DNAH10: variants seen among roughly 807,000 people sequenced by gnomAD.
DNAH10 encodes the protein dynein axonemal heavy chain 10.
In DNAH10, 348 loss-of-function variants were observed where a neutral mutation model predicts 506.6. That is an observed-to-expected ratio of 0.69 (90% confidence interval 0.63 to 0.75). The LOEUF is 0.75. DNAH10 is among the 30% of genes least tolerant of loss of function. The pLI, the probability that DNAH10 is intolerant of heterozygous loss-of-function variation, is 0.00. For synonymous variants in DNAH10, 2,059 were observed against 2,198.6 expected (o/e 0.94, Z 1.78); for missense variants, 5,179 against 5,787.1 (o/e 0.89, Z 3.41).
chr12:123,879,437 ACG>A (rs2137046482), intron 49 of DNAH10, 80 bp downstream of exon 49: 1 of 1,513,572 alleles, frequency 6.6e-7, no homozygotes, highest in African/African-American at 1.4e-5. Flanking sequence ...TTATATTAGG[ACG>A]CGAATTGTGG....
Position 123,808,947 on chromosome 12 carries a change from C to G in DNAH10, c.3138C>G (p.Ile1046Met). The G allele has an allele frequency of 6.2e-7, 1 of 1,614,094 alleles. No homozygotes were observed. Among genetic ancestry groups the G allele is most frequent in the African/African-American group, 1.3e-5 (1 of 75,028 alleles). ...CFHCVRNCVE[I>M]TKHFVRWMNG... The stretch of plus-strand genomic sequence containing the variant: ...ATTGTGTCCGGAATTGCGTGGAGAT[C>G]ACCAAGGTGAGAGCGGAGGTGCTTG... Residue 1046 changes from isoleucine to methionine, a missense_variant, in exon 19 of 79, where the codon ATC becomes ATG. Around this residue, in one of 3 missense-constraint regions of DNAH10, gnomAD observed 4,844 missense variants for 5,430.5 expected, o/e 0.89. Transcript: ENST00000673944.
rs556674623 is a variant in DNAH10 at position 123,879,808 on chromosome 12, A to G, written c.8634+7A>G. The G allele has an allele frequency of 2.5e-6, 4 of 1,613,500 alleles. No individual in the cohort carries two copies. The highest frequency in any genetic ancestry group is 2.2e-5 in the East Asian group (1 of 44,874). Reference sequence around the variant, plus strand: ...GGCCAAGGCTCTGTTCCAGGTGGGGATGAGCCCCACCCTGTCCATGGGCTC... The same window carrying G: ...GGCCAAGGCTCTGTTCCAGGTGGGGGTGAGCCCCACCCTGTCCATGGGCTC... On this transcript the variant is annotated splice_region_variant and intron_variant, in intron 50 of 78. Coordinates refer to ENST00000673944, the MANE Select transcript of DNAH10 (RefSeq NM_001372106.1).
chr12:123,781,028 G>A (rs1957627281), intron 5 of DNAH10, 52 bp from the exon 6 acceptor site: 15 of 1,403,174 alleles, frequency 1.1e-5, no homozygotes, highest in Non-Finnish European at 1.5e-5. Context: ...TTGAATACAT[G>A]AATTATTGAA....
rs780060378 is a variant in DNAH10 at position 123,919,760 on chromosome 12, C to T, written c.11506+811C>T. ...TCTTTCACTCCACTCCGTGACCTCA[C>T]GGTTCATCCGTGTTGCTGCGTGTGT... On this transcript the variant is annotated intron_variant, in intron 65 of 78. Coordinates refer to ENST00000673944, the MANE Select transcript of DNAH10 (RefSeq NM_001372106.1). The surrounding 1 kb of genome is among the most constrained non-coding windows in gnomAD (Gnocchi z 4.9). Among the ~76,000 whole-genome samples, 6 of 152,264 alleles carry T rather than the reference C, an allele frequency of 3.9e-5. No homozygotes were observed. The highest frequency in any genetic ancestry group is 2.1e-4 in the South Asian group (1 of 4,834).
At chr12:123,841,230 C>T (rs941083326) in intron 29 of DNAH10, 92 bp from the exon 30 acceptor site, 16 of 1,347,750 alleles carry the variant, frequency 1.2e-5, no homozygotes, top group Non-Finnish European at 1.6e-5. Flanking sequence ...TTGCTTGCAT[C>T]GTGGCAGCTC....
chr12:123,833,270 A>G lies in DNAH10; in HGVS notation c.4702A>G (p.Ser1568Gly). The G allele has an allele frequency of 6.2e-7, 1 of 1,613,910 alleles. No individual in the cohort carries two copies. The highest frequency in any genetic ancestry group is 8.5e-7 in the Non-Finnish European group (1 of 1,179,868). ...NTFNLQSISG[S>G]RFVGPFLQTV... ...TTTCAACCTGCAGAGCATCTCAGGA[A>G]GCAGATTTGTGGGGCCTTTTCTGCA... The change falls in exon 27 of 79, where the codon AGC (serine) becomes GGC (glycine). Residue 1568 changes from serine to glycine, a missense_variant. By Grantham distance (56) the Ser-to-Gly change is moderately conservative (BLOSUM62 0). Around this residue, in one of 3 missense-constraint regions of DNAH10, gnomAD observed 4,844 missense variants for 5,430.5 expected, o/e 0.89. Coordinates refer to ENST00000673944, the MANE Select transcript of DNAH10 (RefSeq NM_001372106.1).
intron 59 of DNAH10, among the ~76,000 whole-genome samples, chr12:123,912,498 G>C (rs1198685532): frequency 2.3e-5 from 3 of 130,308 alleles, no homozygotes; most frequent in African/African-American, 2.8e-5. Context: ...TCCTGGGGGG[G>C]TCTGTCCTGG....
chr12:123,928,866 C>CA lies in DNAH10; in HGVS notation c.12306+279_12306+280insA, dbSNP rs1317244611. ...TTCATAAACTTCACGGCCCCCCCCC[C>CA]CACACACAGCCTGCAGTTCGCTAGT... is the stretch of plus-strand genomic sequence containing the variant. On this transcript the variant is annotated intron_variant, in intron 70 of 78. Transcript: ENST00000673944. The surrounding 1 kb of genome is among the most constrained non-coding windows in gnomAD (Gnocchi z 4.9). The CA allele has an allele frequency of 3.9e-5, 16 of 410,764 alleles. No homozygotes were observed. Among genetic ancestry groups the CA allele is most frequent in the East Asian group, 1.8e-4 (5 of 28,194 alleles). The allele number at this position is 410,764 out of a possible 1,614,324, so 25.4% of individuals were successfully genotyped here. A position where few individuals can be genotyped will look rare whatever the true frequency, so the allele number is the denominator to read the frequency against.
intron 28 of DNAH10, among the ~76,000 whole-genome samples, chr12:123,837,386 C>T (rs1309413967): frequency 6.6e-6 from 1 of 150,490 alleles, no homozygotes; most frequent in Admixed American, 6.6e-5. Context: ...CAACAAATAT[C>T]AATTCATTAC....
At position 123,918,947 on chromosome 12, in the gene DNAH10, C is replaced by T. The variant is rs1159750997; in HGVS notation, c.11504C>T (p.Thr3835Ile). ...LTFSIYNHGC[T>I]GLFERHKLLF... is the part of the protein sequence containing the mutation. Reference sequence around the variant, plus strand: ...TTCAGCATCTATAACCACGGCTGCACAGGTGAGCTCTCCCCACAGAGGAGG... The same window carrying T: ...TTCAGCATCTATAACCACGGCTGCATAGGTGAGCTCTCCCCACAGAGGAGG... The change falls in exon 65 of 79, where the codon ACA becomes ATA. Residue 3835 changes from threonine to isoleucine, a missense_variant and splice_region_variant. This residue lies in a region of DNAH10 where 4,844 missense variants were observed against 5,430.5 expected (regional missense o/e 0.89). Transcript: ENST00000673944. 1.0e-5 allele frequency: 16 copies of T among 1,606,852 alleles called. No individual in the cohort carries two copies. In the Admixed American group the frequency reaches 2.7e-4, roughly 27 times the overall value.
chr12:123,926,520 C>T lies in DNAH10; in HGVS notation c.11922-117C>T. 1 of 1,094,356 alleles carries T rather than the reference C, an allele frequency of 9.1e-7. No individual in the cohort carries two copies. The highest frequency in any genetic ancestry group is 1.3e-6 in the Non-Finnish European group (1 of 773,398). 67.8% of individuals were successfully genotyped at this position (1,094,356 alleles called of 1,614,324 possible). A position where few individuals can be genotyped will look rare whatever the true frequency, so the allele number is the denominator to read the frequency against. ...CAGGGAAGACTGCAACGAGCTATCC[C>T]AGAGGAGTGGTCAGAAGGTTCTGGA... On this transcript the variant is annotated intron_variant, in intron 68 of 78. Transcript: ENST00000673944. The surrounding 1 kb of genome is among the most constrained non-coding windows in gnomAD (Gnocchi z 4.1).
At chr12:123,888,253 A>G (rs528342860) in intron 52 of DNAH10, among the ~76,000 whole-genome samples, 260 of 152,266 alleles carry the variant, frequency 1.7e-3, no homozygotes, top group Non-Finnish European at 3.2e-3. Flanking sequence ...ATCAAACCTA[A>G]TAGGGAAGGT....
chr12:123,788,433 C>T (rs1957946279), intron 10 of DNAH10, among the ~76,000 whole-genome samples: 1 of 152,186 alleles, frequency 6.6e-6, no homozygotes, highest in Non-Finnish European at 1.5e-5. Context: ...TTAGCCACAG[C>T]ACTTGTCTCC....
chr12:123,931,679 A>T lies in DNAH10; in HGVS notation c.12960A>T (p.Gln4320His). 6.2e-7 allele frequency: 1 copy of T among 1,614,036 alleles called. No homozygotes were observed. The highest frequency in any genetic ancestry group is 8.5e-7 in the Non-Finnish European group (1 of 1,179,904). ...TCAGCCGCGATGATTATATTGGCCA[A>T]GTGGCCAAAGAAATAGAAAACAAGA... The part of the protein sequence containing the change: ...SGISRDDYIG[Q>H]VAKEIENKMP... Residue 4320 changes from glutamine (Q) to histidine (H), a missense_variant, in exon 75 of 79, where the codon CAA becomes CAT. Physicochemically the swap from Gln to His is conservative, Grantham distance 24 (BLOSUM62 0). This residue lies in a region of DNAH10 where 4,844 missense variants were observed against 5,430.5 expected (regional missense o/e 0.89). Transcript: ENST00000673944.
chr12:123,851,143 G>T (rs1305678469), intron 35 of DNAH10, 67 bp downstream of exon 35: 7 of 1,490,178 alleles, frequency 4.7e-6, no homozygotes, highest in Non-Finnish European at 6.3e-6. Context: ...CCAGACTGGG[G>T]ACCTAGGACG....
chr12:123,929,182 G>A (rs1955085741), intron 70 of DNAH10, 93 bp from the exon 71 acceptor site: 17 of 1,318,248 alleles, frequency 1.3e-5, no homozygotes, highest in Middle Eastern at 1.9e-4. Flanking sequence ...GCTCCGTAGA[G>A]AGGAAGGAAA....
chr12:123,852,859 C>G (rs1951228861), intron 35 of DNAH10, among the ~76,000 whole-genome samples: 1 of 152,226 alleles, frequency 6.6e-6, no homozygotes, highest in African/African-American at 2.4e-5. Flanking sequence ...CAGGCATGAA[C>G]AACTATGCTT....
chr12:123,827,192 C>T (rs1013142429), intron 25 of DNAH10, among the ~76,000 whole-genome samples: 1 of 152,168 alleles, frequency 6.6e-6, no homozygotes, highest in East Asian at 1.9e-4. Context: ...CCTTGATCAG[C>T]CCCATCCAGC....
chr12:123,914,798 C>T, intron 61 of DNAH10, 54 bp from the exon 62 acceptor site: 2 of 1,589,990 alleles, frequency 1.3e-6, no homozygotes, highest in Non-Finnish European at 1.7e-6. Context: ...ACCCTTAGCC[C>T]TTGGCTCACA....
Sources: gnomAD v4.1 joint callset for allele counts (sites outside exome capture counted in the v4.1 genomes callset) on GRCh38, gnomAD v4.1.1 for gene constraint, gnomAD v4.1.1 regional missense constraint, Gnocchi (gnomAD v3.1) non-coding constraint, MANE v1.5 for transcripts, NCBI Gene and HGNC (gene_info 2026-07-23, HGNC 2026-07-21) for gene names.